DPP4: variants seen among roughly 807,000 people sequenced by gnomAD.
DPP4 encodes the protein dipeptidyl peptidase 4.
DPP4 carries 93 observed loss-of-function variants against 122.4 expected under a neutral mutation model. The observed-to-expected ratio is 0.76, with a 90% CI of 0.64 to 0.90. The LOEUF (loss-of-function observed/expected upper bound fraction) is 0.90, where lower values mean the gene tolerates loss of function less well. Among genes scored for constraint, DPP4 ranks in the 40% least tolerant of loss-of-function variants. The pLI is 0.00. For missense variants in DPP4, 914 were observed against 907.3 expected, an observed-to-expected ratio of 1.01 and a Z score of -0.09; for synonymous variants, 321 against 302.9, an observed-to-expected ratio of 1.06 and a Z score of -0.62.
intron 23 of DPP4, among the ~76,000 whole-genome samples, chr2:162,004,602 C>CAT (rs397786035): frequency 4.0e-5 from 6 of 151,666 alleles, no homozygotes; most frequent in Admixed American, 2.0e-4. Context: ...CACACACACA[C>CAT]GCACACACAC....
chr2:162,029,250 T>C (rs1424423968), intron 10 of DPP4, among the ~76,000 whole-genome samples: 1 of 152,254 alleles, frequency 6.6e-6, no homozygotes, highest in Admixed American at 6.5e-5. Flanking sequence ...ATGTTTCTTT[T>C]GGTACATTAA....
intron 20 of DPP4, among the ~76,000 whole-genome samples, chr2:162,010,860 C>T (rs1311709986): frequency 1.3e-5 from 2 of 152,120 alleles, no homozygotes; most frequent in African/African-American, 4.8e-5. Flanking sequence ...GATCCTTCTG[C>T]ATTTCCTAGT....
In DPP4 at chr2:162,011,694, A is replaced by T. The variant is rs1234032188; in HGVS notation, c.1832+99T>A. On this transcript the variant is annotated intron_variant, in intron 20 of 25. Coordinates refer to ENST00000360534, the MANE Select transcript of DPP4 (RefSeq NM_001935.4). The stretch of plus-strand genomic sequence containing the variant: ...GGATAAAAGATTACAAATTCATCCC[A>T]GAACACTTTAAATTATTTACACTTT... 4.0e-6 allele frequency: 5 copies of T among 1,240,346 alleles called. No individual in the cohort carries two copies. In the East Asian group the frequency reaches 1.2e-4, roughly 30 times the overall value. 76.8% of individuals were successfully genotyped at this position (1,240,346 alleles called of 1,614,324 possible). A position where few individuals can be genotyped will look rare whatever the true frequency, so the allele number is the denominator to read the frequency against.
intron 2 of DPP4, 157 bp downstream of exon 2, chr2:162,073,242 G>A (rs574130092): frequency 1.5e-6 from 1 of 669,232 alleles, no homozygotes; most frequent in Non-Finnish European, 2.6e-6. Context: ...TCCAGCTGCT[G>A]CTCTACAAGC....
chr2:162,012,106 G>A, intron 19 of DPP4, 119 bp from the exon 20 acceptor site: 3 of 950,384 alleles, frequency 3.2e-6, no homozygotes, highest in Middle Eastern at 3.4e-4. Context: ...CTTAAACTGT[G>A]CCAGCCTATG....
chr2:162,060,408 G>A (rs1029621617), intron 2 of DPP4, among the ~76,000 whole-genome samples: 8 of 152,166 alleles, frequency 5.3e-5, no homozygotes, highest in Non-Finnish European at 1.2e-4. Flanking sequence ...TAGAAAGGAA[G>A]TTTTACCATC....
chr2:162,051,522 A>G (rs955691969), intron 2 of DPP4, among the ~76,000 whole-genome samples: 2 of 152,246 alleles, frequency 1.3e-5, no homozygotes, highest in Non-Finnish European at 2.9e-5. Flanking sequence ...ATAACTGTGG[A>G]AAGTTGTTAA....
chr2:161,992,430 C>T lies in DPP4; in HGVS notation c.*853G>A, dbSNP rs1472286169. 6.6e-6 allele frequency: 1 copy of T among 152,604 alleles called. No individual in the cohort carries two copies. The highest frequency in any genetic ancestry group is 1.5e-5 in the Non-Finnish European group (1 of 68,032). 9.5% of individuals were successfully genotyped at this position (152,604 alleles called of 1,614,324 possible). A position where few individuals can be genotyped will look rare whatever the true frequency, so the allele number is the denominator to read the frequency against. On this transcript the variant is annotated 3_prime_UTR_variant, in exon 26 of 26. Coordinates refer to ENST00000360534, the MANE Select transcript of DPP4 (RefSeq NM_001935.4). ...AATAAGAAAAATTGATGCAAGGACT[C>T]CTTCAAGTTAAGATTTGTGATACAA...
intron 2 of DPP4, among the ~76,000 whole-genome samples, chr2:162,062,576 G>C (rs1684812410): frequency 6.6e-6 from 1 of 152,238 alleles, no homozygotes; most frequent in Non-Finnish European, 1.5e-5. Flanking sequence ...CATTGAGGTT[G>C]TGAGAGTGAA....
chr2:162,045,793 T>C (rs548578512), intron 4 of DPP4, among the ~76,000 whole-genome samples, 181 bp from the exon 5 acceptor site: 1 of 152,264 alleles, frequency 6.6e-6, no homozygotes, highest in South Asian at 2.1e-4. Context: ...TGGCGATCAA[T>C]GTTAGAAAGC....
chr2:162,067,726 C>T (rs535244463), intron 2 of DPP4, among the ~76,000 whole-genome samples: 6 of 152,270 alleles, frequency 3.9e-5, no homozygotes, highest in African/African-American at 1.4e-4. Flanking sequence ...TTGAGAGACA[C>T]ACCCTCTTTT....
chr2:162,023,799 C>T (rs1396218564), intron 11 of DPP4, among the ~76,000 whole-genome samples: 2 of 152,180 alleles, frequency 1.3e-5, no homozygotes, highest in Admixed American at 6.5e-5. Context: ...CTGTGACCTG[C>T]GCTAGCTCCT....
At chr2:161,995,171 G>T in intron 24 of DPP4, 129 bp downstream of exon 24, 1 of 1,309,216 alleles carries the variant, frequency 7.6e-7, no homozygotes, top group Non-Finnish European at 1.1e-6. Flanking sequence ...CAAGACAAGT[G>T]ACTTGTGGAA....
chr2:162,056,068 G>C (rs1232857044), intron 2 of DPP4, among the ~76,000 whole-genome samples: 2 of 152,130 alleles, frequency 1.3e-5, no homozygotes, highest in African/African-American at 4.8e-5. Context: ...ACCTCCTTCA[G>C]GTGTTTATTT....
chr2:162,038,991 G>C lies in DPP4; in HGVS notation c.450C>G (p.Asn150Lys). The C allele has an allele frequency of 6.2e-7, 1 of 1,613,402 alleles. No individual in the cohort carries two copies. Among genetic ancestry groups the C allele is most frequent in the South Asian group, 1.1e-5 (1 of 91,072 alleles). The change falls in exon 7 of 26, where the codon AAC (asparagine) becomes AAG (lysine). Residue 150 changes from asparagine to lysine, a missense_variant. Physicochemically the swap from Asn to Lys is moderately conservative, Grantham distance 94. Coordinates refer to ENST00000360534, the MANE Select transcript of DPP4 (RefSeq NM_001935.4). ...RQLITEERIP[N>K]NTQWVTWSPV... ...GTGACCATGTGACCCACTGTGTGTT[G>C]TTTGGAATCCTCTCTTCTGTAATCA...
chr2:162,044,342 C>A (rs1290712879), intron 5 of DPP4, among the ~76,000 whole-genome samples: 11 of 152,192 alleles, frequency 7.2e-5, no homozygotes, highest in African/African-American at 2.6e-4. Context: ...AGTCACCATC[C>A]TGAGATGGTA....
At chr2:161,998,896 C>T (rs1268736050) in intron 23 of DPP4, among the ~76,000 whole-genome samples, 1 of 152,112 alleles carries the variant, frequency 6.6e-6, no homozygotes, top group Admixed American at 6.5e-5. Context: ...CAATATTACA[C>T]TACAAAGAAA....
intron 13 of DPP4, 46 bp from the exon 14 acceptor site, chr2:162,020,342 G>C (rs201871876): frequency 2.3e-6 from 3 of 1,285,776 alleles, no homozygotes; most frequent in Non-Finnish European, 3.2e-6. Flanking sequence ...AGATTGATTA[G>C]AGACTCTCTC....
intron 25 of DPP4, 45 bp downstream of exon 25, chr2:161,994,916 A>T: frequency 1.3e-6 from 2 of 1,556,254 alleles, no homozygotes; most frequent in Non-Finnish European, 1.8e-6. Context: ...AGGAAACTAG[A>T]CCCCACCAGC....
Sources: allele counts gnomAD v4.1 joint callset (sites outside exome capture counted in the v4.1 genomes callset), GRCh38; gene constraint gnomAD v4.1.1; transcripts MANE v1.5; gene names NCBI Gene and HGNC (gene_info 2026-07-23, HGNC 2026-07-21).